Variants in PDZRN4 observed in about 807,000 individuals in gnomAD.
PDZRN4 encodes PDZ domain-containing RING finger protein 4.
A neutral mutation model predicts 99.0 loss-of-function variants in PDZRN4; 70 were observed. That is an observed-to-expected ratio of 0.71 (90% CI 0.58 to 0.86). The LOEUF (loss-of-function observed/expected upper bound fraction) is 0.86, where lower values mean the gene tolerates loss of function less well. Among genes scored for constraint, PDZRN4 ranks in the 40% least tolerant of loss-of-function variants. The pLI, the probability that PDZRN4 is intolerant of heterozygous loss-of-function variation, is 0.00. For missense variants in PDZRN4, 1,474 were observed against 1,331.2 expected, an observed-to-expected ratio of 1.11 and a Z score of -1.67; for synonymous variants, 551 against 501.6, an observed-to-expected ratio of 1.10 and a Z score of -1.32.
At chr12:41,444,170 T>C (rs1409166975) in intron 3 of PDZRN4, among the ~76,000 whole-genome samples, 1 of 152,148 alleles carries the variant, frequency 6.6e-6, no homozygotes, top group Non-Finnish European at 1.5e-5. Context: ...GCTACTCAGA[T>C]GCCTCTTTAG....
At chr12:41,472,071 G>A (rs1002926999) in intron 3 of PDZRN4, among the ~76,000 whole-genome samples, 3 of 149,776 alleles carry the variant, frequency 2.0e-5, no homozygotes, top group East Asian at 2.0e-4. Flanking sequence ...GGCACGTCTC[G>A]GCTCACTGCA....
chr12:41,397,629 T>C (rs1450727673), intron 3 of PDZRN4, among the ~76,000 whole-genome samples: 2 of 152,182 alleles, frequency 1.3e-5, no homozygotes, highest in African/African-American at 4.8e-5. Context: ...TTTTAGTACA[T>C]TAAATCTTGG....
chr12:41,239,651 CAA>C (rs1324438117), intron 3 of PDZRN4, among the ~76,000 whole-genome samples: 1 of 152,078 alleles, frequency 6.6e-6, no homozygotes, highest in African/African-American at 2.4e-5. Context: ...AGAAAGGTGA[CAA>C]AAGACACATC....
chr12:41,530,715 G>A (rs1338540870), intron 5 of PDZRN4, among the ~76,000 whole-genome samples: 1 of 152,168 alleles, frequency 6.6e-6, no homozygotes, highest in African/African-American at 2.4e-5. Context: ...TTATGTGGAG[G>A]TGCTCCCAGA....
chr12:41,299,789 CT>C (rs1349408864), intron 3 of PDZRN4, among the ~76,000 whole-genome samples: 1 of 151,918 alleles, frequency 6.6e-6, no homozygotes, highest in Non-Finnish European at 1.5e-5. Context: ...ATTTCAGTCA[CT>C]AAAAGCCATT....
intron 3 of PDZRN4, among the ~76,000 whole-genome samples, chr12:41,223,102 A>T (rs1015912381): frequency 6.6e-6 from 1 of 152,174 alleles, no homozygotes; most frequent in African/African-American, 2.4e-5. Flanking sequence ...TAATATAAAG[A>T]ATGGGTAAGG....
At chr12:41,274,492 A>G (rs534324586) in intron 3 of PDZRN4, among the ~76,000 whole-genome samples, 2 of 152,310 alleles carry the variant, frequency 1.3e-5, no homozygotes, top group African/African-American at 4.8e-5. Context: ...GAATTAATGA[A>G]AGTTCCGAAT....
intron 3 of PDZRN4, among the ~76,000 whole-genome samples, chr12:41,304,358 A>C (rs1231978271): frequency 6.6e-6 from 1 of 152,142 alleles, no homozygotes; most frequent in Non-Finnish European, 1.5e-5. Context: ...TAAATCCAAA[A>C]ACTAAAAATA....
intron 3 of PDZRN4, among the ~76,000 whole-genome samples, chr12:41,391,802 C>T (rs1952212809): frequency 6.6e-6 from 1 of 152,060 alleles, no homozygotes; most frequent in South Asian, 2.1e-4. Context: ...TGTGAGAAAG[C>T]TGACTTTAGC....
intron 5 of PDZRN4, among the ~76,000 whole-genome samples, chr12:41,515,961 T>C (rs1938393434): frequency 6.6e-6 from 1 of 151,974 alleles, no homozygotes; most frequent in South Asian, 2.1e-4. Context: ...TTCCAGCACC[T>C]TGGGGTCAAA....
intron 3 of PDZRN4, among the ~76,000 whole-genome samples, chr12:41,229,195 A>G (rs1422483193): frequency 6.6e-6 from 1 of 151,402 alleles, no homozygotes; most frequent in Non-Finnish European, 1.5e-5. Context: ...CAGTGTAAAC[A>G]TTAGATGAAA....
intron 3 of PDZRN4, among the ~76,000 whole-genome samples, chr12:41,275,734 A>G (rs979736065): frequency 6.6e-6 from 1 of 152,192 alleles, no homozygotes; most frequent in Admixed American, 6.6e-5. Flanking sequence ...AGGAGATAGG[A>G]TTCAAACCCA....
At position 41,435,028 on chromosome 12, in the gene PDZRN4, C is replaced by G. The variant is rs187091747; in HGVS notation, c.844-71428C>G. Reference sequence around the variant, plus strand: ...CCCTTTTCCAAGTCACTCTTCAGTTCTATAGGATGAGTCCATTAGAAGCAG... The same window carrying G: ...CCCTTTTCCAAGTCACTCTTCAGTTGTATAGGATGAGTCCATTAGAAGCAG... On this transcript the variant is annotated intron_variant, in intron 3 of 9. Transcript: ENST00000402685. Among the ~76,000 whole-genome samples, 279 of 152,250 alleles carry G rather than the reference C, an allele frequency of 1.8e-3. 1 individual carries two copies. Among genetic ancestry groups the G allele is most frequent in the African/African-American group, 5.9e-3 (245 of 41,542 alleles).
rs1057479234 is a variant in PDZRN4 at position 41,506,583 on chromosome 12, C to A, written c.971C>A (p.Ala324Asp). 1.2e-5 allele frequency: 19 copies of A among 1,613,818 alleles called. No homozygotes were observed. The African/African-American group carries it at 2.5e-4, about 22-fold the overall frequency. Residue 324 changes from alanine to aspartate, a missense_variant, in exon 4 of 10, where the codon GCT becomes GAT. Physicochemically the swap from Ala to Asp is moderately radical, Grantham distance 126 (BLOSUM62 -2). Transcript: ENST00000402685. ...TPLSRPAYGM[A>D]SEVQLMNAST... ...CTTAGTAGACCAGCCTATGGGATGG[C>A]TTCAGAAGTGCAGCTTATGAATGCC...
chr12:41,189,593 A>T (rs1472345665), intron 1 of PDZRN4, among the ~76,000 whole-genome samples: 2 of 152,100 alleles, frequency 1.3e-5, no homozygotes, highest in Non-Finnish European at 2.9e-5. Context: ...GTCAGCGTTG[A>T]TGACACTTGC....
chr12:41,285,319 C>T (rs1191973281), intron 3 of PDZRN4, among the ~76,000 whole-genome samples: 1 of 152,142 alleles, frequency 6.6e-6, no homozygotes, highest in East Asian at 1.9e-4. Flanking sequence ...CATCTCATTC[C>T]AGTTAGAATG....
chr12:41,490,091 T>C lies in PDZRN4; in HGVS notation c.844-16365T>C, dbSNP rs115387504. Among the ~76,000 whole-genome samples the C allele has an allele frequency of 1.1e-3, 175 of 152,300 alleles. 1 individual carries two copies. The highest frequency in any genetic ancestry group is 4.1e-3 in the African/African-American group (170 of 41,592). The stretch of plus-strand genomic sequence containing the variant: ...AAAATCAATTAAACCAATATTTGCC[T>C]CTTATTTAAGATGTGGATAATACTT... On this transcript the variant is annotated intron_variant, in intron 3 of 9. Transcript: ENST00000402685.
At chr12:41,502,831 A>G (rs1782176090) in intron 3 of PDZRN4, among the ~76,000 whole-genome samples, 1 of 152,112 alleles carries the variant, frequency 6.6e-6, no homozygotes, top group African/African-American at 2.4e-5. Context: ...AAATAGAATA[A>G]TAAGTAAGGA....
At chr12:41,437,991 A>G (rs769441038) in intron 3 of PDZRN4, 11 of 1,614,110 alleles carry the variant, frequency 6.8e-6, no homozygotes, top group Non-Finnish European at 9.3e-6. Context: ...GAACACTACA[A>G]ACTGCTGTAT....
Sources: allele counts gnomAD v4.1 joint callset (sites outside exome capture counted in the v4.1 genomes callset), GRCh38; gene constraint gnomAD v4.1.1; transcripts MANE v1.5; gene names NCBI Gene and HGNC (gene_info 2026-07-23, HGNC 2026-07-21).